The following RNF40 variants were observed in gnomAD, a reference collection of about 807,000 sequenced individuals.
RNF40 encodes the protein E3 ubiquitin-protein ligase BRE1B.
In RNF40, 39 loss-of-function variants were observed where a neutral mutation model predicts 123.3. The ratio of observed to expected loss-of-function variants is 0.32; its 90% CI spans 0.24 to 0.41. RNF40 has a LOEUF of 0.41. RNF40 is among the 10% of genes least tolerant of loss of function. The probability of loss-of-function intolerance (pLI) is 1.00; values close to 1 mark genes in which losing one functional copy is unlikely to be tolerated. For synonymous variants in RNF40, 538 were observed against 526.0 expected (o/e 1.02, Z -0.31); for missense variants, 1,003 against 1,319.9 (o/e 0.76, Z 3.72).
Position 30,769,621 on chromosome 16 carries a change from C to G in RNF40, c.2586+21C>G, listed in dbSNP as rs201500224. The G allele has an allele frequency of 1.9e-4, 288 of 1,523,678 alleles. 1 individual carries two copies. The East Asian group carries it at 5.4e-3, about 29-fold the overall frequency. The allele number at this position is 1,523,678 out of a possible 1,614,324, so 94.4% of individuals were successfully genotyped here. ...GGAAGGTGAGGCTGGGCCAGGGGGA[C>G]ACACAGCTTGGGCTGCTGGCTCACC... On this transcript the variant is annotated intron_variant, in intron 17 of 19. Transcript: ENST00000324685.
intron 11 of RNF40, 92 bp from the exon 12 acceptor site, chr16:30,767,795 CACAGTGG>C: frequency 6.6e-7 from 1 of 1,516,528 alleles, no homozygotes; most frequent in Non-Finnish European, 9.1e-7. Context: ...TCCCCTCCTG[CACAGTGG>C]GAGTGATGGC....
chr16:30,762,794 G>A, intron 2 of RNF40, 117 bp downstream of exon 2: 1 of 1,339,044 alleles, frequency 7.5e-7, no homozygotes, highest in South Asian at 1.3e-5. Context: ...CCGCGTTACA[G>A]GACCTTGAAA....
At position 30,769,496 on chromosome 16, in the gene RNF40, GTGCAGA is replaced by G; in HGVS notation, c.2483_2488del (p.Val828_Lys830delinsGlu). ...TTAGGTGGATGCCCAGCTGCTGACT[GTGCAGA>G]AGCTAGAGGAGAAGGAGCGAGCCTT... On this transcript the variant is annotated inframe_deletion, in exon 17 of 20. Coordinates refer to ENST00000324685, the MANE Select transcript of RNF40 (RefSeq NM_014771.4). The G allele has an allele frequency of 6.2e-7, 1 of 1,613,934 alleles. No individual in the cohort carries two copies. Among genetic ancestry groups the G allele is most frequent in the Admixed American group, 1.7e-5 (1 of 60,018 alleles).
chr16:30,765,859 G>A (rs2054020086), intron 8 of RNF40, among the ~76,000 whole-genome samples: 1 of 152,238 alleles, frequency 6.6e-6, no homozygotes, highest in Non-Finnish European at 1.5e-5. Flanking sequence ...CTAAGAGTGA[G>A]TTGGAGTCAG....
chr16:30,763,042 C>A, intron 2 of RNF40, 76 bp from the exon 3 acceptor site: 2 of 1,536,848 alleles, frequency 1.3e-6, no homozygotes, highest in Non-Finnish European at 1.8e-6. Context: ...AGATGCTCTG[C>A]TCCTCTTTCT....
rs1303417738 is a variant in RNF40, at chr16:30,765,430, C to G, written c.924C>G (p.Asn308Lys). 6.2e-7 allele frequency: 1 copy of G among 1,614,126 alleles called. No homozygotes were observed. Among genetic ancestry groups the G allele is most frequent in the African/African-American group, 1.3e-5 (1 of 74,942 alleles). ...TGTCTGTTTTCTCTCCACAGCTTAA[C>G]TCTGGCTACTATGTATCTGGGAGCT... ...KHLAEALEQL[N>K]SGYYVSGSSS... is the part of the protein sequence containing the mutation. Residue 308 changes from asparagine (N) to lysine (K), a missense_variant, in exon 8 of 20, where the codon AAC (asparagine) becomes AAG (lysine). Physicochemically the swap from Asn to Lys is moderately conservative, Grantham distance 94 (BLOSUM62 0). Around this residue, in one of 11 missense-constraint regions of RNF40, gnomAD observed 274 missense variants for 356.9 expected, o/e 0.77. Transcript: ENST00000324685.
intron 17 of RNF40, among the ~76,000 whole-genome samples, chr16:30,770,736 G>A (rs1415946585): frequency 1.3e-5 from 2 of 152,002 alleles, no homozygotes. Context: ...TTTTTAGACG[G>A]AGTCTAGCTC....
At position 30,774,373 on chromosome 16, in the gene RNF40, G is replaced by C; in HGVS notation, c.*259G>C. The C allele has an allele frequency of 2.2e-6, 1 of 447,992 alleles. No individual in the cohort carries two copies. The highest frequency in any genetic ancestry group is 4.0e-6 in the Non-Finnish European group (1 of 249,208). 27.8% of individuals were successfully genotyped at this position (447,992 alleles called of 1,614,324 possible). A position where few individuals can be genotyped will look rare whatever the true frequency, so the allele number is the denominator to read the frequency against. On this transcript the variant is annotated 3_prime_UTR_variant, in exon 20 of 20. Transcript: ENST00000324685. ...GAAAAGGTCTGCCTGAGAGGCCTGA[G>C]GAGCCCAGAGCACTTGACTGAGCTT...
chr16:30,766,345 T>C lies in RNF40; in HGVS notation c.1114-34T>C, dbSNP rs373924454. ...AAGGGAGGGACTGAGCCCTGAATCC[T>C]GTTGCTGATCCCATTTGGGCATCCC... On this transcript the variant is annotated intron_variant, in intron 9 of 19. Coordinates refer to ENST00000324685, the MANE Select transcript of RNF40 (RefSeq NM_014771.4). The surrounding 1 kb of genome is among the most constrained non-coding windows in gnomAD (Gnocchi z 5.4). The C allele has an allele frequency of 1.1e-5, 18 of 1,612,472 alleles. No homozygotes were observed. The African/African-American group carries it at 2.3e-4, about 20-fold the overall frequency.
chr16:30,767,828 A>G (rs1000479164), intron 11 of RNF40, 66 bp from the exon 12 acceptor site: 1 of 1,607,548 alleles, frequency 6.2e-7, no homozygotes, highest in South Asian at 1.1e-5. Context: ...CTCTTACCCC[A>G]CTGAGGGGTT....
rs1461201669 is a variant in RNF40 at position 30,764,343 on chromosome 16, C to A, written c.607C>A (p.Gln203Lys). 1 of 1,613,844 alleles carries A rather than the reference C, an allele frequency of 6.2e-7. No individual in the cohort carries two copies. Among genetic ancestry groups the A allele is most frequent in the Admixed American group, 1.7e-5 (1 of 60,008 alleles). The part of the protein sequence containing the change: ...SRVVEASDRL[Q>K]RRVEELCQRV... ...TGTGGTAGAGGCCTCAGACCGCCTA[C>A]AGCGCCGGGTGGAGGAACTCTGTCA... Residue 203 changes from glutamine to lysine, a missense_variant, in exon 5 of 20, where the codon CAG becomes AAG. Transcript: ENST00000324685.
Position 30,764,404 on chromosome 16 carries a change from T to C in RNF40, c.649+19T>C, listed in dbSNP as rs1567282582. ...AGCCGAGGTGGGTTCTTTGTGCCCA[T>C]ACTGAAGGGGTGTCCATCCCCACCT... On this transcript the variant is annotated intron_variant, in intron 5 of 19. Coordinates refer to ENST00000324685, the MANE Select transcript of RNF40 (RefSeq NM_014771.4). 1 of 1,602,590 alleles carries C rather than the reference T, an allele frequency of 6.2e-7. No individual in the cohort carries two copies.
At chr16:30,770,282 A>AT (rs986264261) in intron 17 of RNF40, among the ~76,000 whole-genome samples, 35 of 149,364 alleles carry the variant, frequency 2.3e-4, no homozygotes, top group Middle Eastern at 3.4e-3. Flanking sequence ...TAATTTTTGT[A>AT]TTTTTTTTTA....
Position 30,766,259 on chromosome 16 carries a change from G to C in RNF40, c.1090G>C (p.Val364Leu), listed in dbSNP as rs780112761. The C allele has an allele frequency of 5.0e-6, 8 of 1,614,054 alleles. No individual in the cohort carries two copies. The highest frequency in any genetic ancestry group is 2.2e-5 in the East Asian group (1 of 44,898). ...ACTGCAGGCCGAACTTCAGGGGGCT[G>C]TGCGGACCAATGAGCGCCTCAAGGT... ...EKLQAELQGA[V>L]RTNERLKVAL... Residue 364 changes from valine (V) to leucine (L), a missense_variant, in exon 9 of 20, where the codon GTG becomes CTG. Coordinates refer to ENST00000324685, the MANE Select transcript of RNF40 (RefSeq NM_014771.4). This position sits in a 1 kb window ranked among gnomAD's most constrained non-coding sequence, Gnocchi z 5.4.
intron 17 of RNF40, among the ~76,000 whole-genome samples, chr16:30,771,353 C>G (rs545715302): frequency 2.3e-4 from 35 of 152,156 alleles, no homozygotes; most frequent in Middle Eastern, 3.4e-3. Flanking sequence ...CGTGGTGGCT[C>G]ACGACTGTAA....
At chr16:30,772,795 G>A (rs1380414286) in intron 19 of RNF40, among the ~76,000 whole-genome samples, 1 of 152,238 alleles carries the variant, frequency 6.6e-6, no homozygotes, top group Non-Finnish European at 1.5e-5. Context: ...GGAGAGTGAT[G>A]TGGTTAGATT....
Position 30,766,387 on chromosome 16 carries a change from G to C in RNF40, c.1122G>C (p.Leu374=). 10 of 1,613,002 alleles carry C rather than the reference G, an allele frequency of 6.2e-6. No homozygotes were observed. Among genetic ancestry groups the C allele is most frequent in the Non-Finnish European group, 7.6e-6 (9 of 1,179,214 alleles). Residue 374 remains leucine, a synonymous_variant, in exon 10 of 20, where the codon CTG becomes CTC. Coordinates refer to ENST00000324685, the MANE Select transcript of RNF40 (RefSeq NM_014771.4). The surrounding 1 kb of genome is among the most constrained non-coding windows in gnomAD (Gnocchi z 5.4). The stretch of plus-strand genomic sequence containing the variant: ...GGGCATCCCTGCCCCAGGTGGCCCT[G>C]CGGAGCCTTCCTGAGGAGGTAGTGC... The part of the protein sequence containing the change: ...VRTNERLKVA[L]RSLPEEVVRE...
chr16:30,765,088 A>G, intron 6 of RNF40, 29 bp downstream of exon 6: 1 of 1,612,580 alleles, frequency 6.2e-7, no homozygotes, highest in Non-Finnish European at 8.5e-7. Context: ...TGGGGGTGTG[A>G]TTAGAATCAG....
Position 30,766,965 on chromosome 16 carries a change from C to A in RNF40, c.1429+89C>A. On this transcript the variant is annotated intron_variant, in intron 11 of 19. Coordinates refer to ENST00000324685, the MANE Select transcript of RNF40 (RefSeq NM_014771.4). This position sits in a 1 kb window ranked among gnomAD's most constrained non-coding sequence, Gnocchi z 5.4. ...CTGCTGCTTATCCAGATGCAAGAGG[C>A]TAAGGCCTTTTTTTTCACAGAGCCT... 2 of 1,491,916 alleles carry A rather than the reference C, an allele frequency of 1.3e-6. No homozygotes were observed. The highest frequency in any genetic ancestry group is 1.8e-6 in the Non-Finnish European group (2 of 1,110,438). The allele number at this position is 1,491,916 out of a possible 1,614,324, so 92.4% of individuals were successfully genotyped here.
Sources: gnomAD v4.1 joint callset for allele counts (sites outside exome capture counted in the v4.1 genomes callset) on GRCh38, gnomAD v4.1.1 for gene constraint, gnomAD v4.1.1 regional missense constraint, Gnocchi (gnomAD v3.1) non-coding constraint, MANE v1.5 for transcripts, NCBI Gene and HGNC (gene_info 2026-07-23, HGNC 2026-07-21) for gene names.